DLK2: variants seen among roughly 807,000 people sequenced by gnomAD.
DLK2 encodes the protein protein delta homolog 2.
DLK2 carries 9 observed loss-of-function variants against 31.3 expected under a neutral mutation model. The ratio of observed to expected loss-of-function variants is 0.29; its 90% confidence interval spans 0.17 to 0.50. The LOEUF is 0.50. DLK2 is among the 20% of genes least tolerant of loss of function. The probability of loss-of-function intolerance (pLI) is 0.98; values close to 1 mark genes in which losing one functional copy is unlikely to be tolerated. For missense variants in DLK2, 387 were observed against 526.1 expected (o/e 0.74, Z 2.59); for synonymous variants, 169 against 201.2 (o/e 0.84, Z 1.35).
intron 3 of DLK2, 94 bp downstream of exon 3, chr6:43,454,317 G>T: frequency 8.3e-7 from 1 of 1,206,480 alleles, no homozygotes; most frequent in South Asian, 1.4e-5. Context: ...GAGGCATGAA[G>T]AGTAGAGTCT....
chr6:43,451,240 C>A lies in DLK2; in HGVS notation c.451G>T (p.Asp151Tyr). Residue 151 changes from aspartate (D) to tyrosine (Y), a missense_variant, in exon 6 of 6, where the codon GAC becomes TAC. Coordinates refer to ENST00000372488, the MANE Select transcript of DLK2 (RefSeq NM_023932.4). The surrounding 1 kb of genome is among the most constrained non-coding windows in gnomAD (Gnocchi z 4.4). ...GTGAAGTTGAGAGCAAAGCCCTGGT[C>A]GTCCTGGCACTGCCCGCCATTGCGG... Reference protein sequence around the residue: ...PCRNGGQCQDDQGFALNFTCR... With the variant: ...PCRNGGQCQDYQGFALNFTCR... 1 of 1,613,996 alleles carries A rather than the reference C, an allele frequency of 6.2e-7. No individual in the cohort carries two copies. The highest frequency in any genetic ancestry group is 1.1e-5 in the South Asian group (1 of 91,028).
intron 1 of DLK2, 182 bp downstream of exon 1, chr6:43,455,213 A>G: frequency 2.2e-6 from 1 of 464,048 alleles, no homozygotes; most frequent in Non-Finnish European, 2.8e-6. Flanking sequence ...CACGGAGGGG[A>G]CGCGGGGGCC....
chr6:43,455,046 G>A, intron 1 of DLK2, 166 bp from the exon 2 acceptor site: 3 of 985,138 alleles, frequency 3.0e-6, no homozygotes, highest in Non-Finnish European at 3.6e-6. Context: ...CGAAGAGAGC[G>A]AGGAGAGCGA....
intron 1 of DLK2, 84 bp from the exon 2 acceptor site, chr6:43,454,964 G>C: frequency 6.8e-7 from 1 of 1,465,356 alleles, no homozygotes; most frequent in Non-Finnish European, 9.0e-7. Flanking sequence ...AGCCGACGAG[G>C]GAGAGGGGCG....
At position 43,454,821 on chromosome 6, in the gene DLK2, G is replaced by A. The variant is rs1362603458; in HGVS notation, c.5C>T (p.Pro2Leu). 3.2e-6 allele frequency: 5 copies of A among 1,549,262 alleles called. No individual in the cohort carries two copies. Among genetic ancestry groups the A allele is most frequent in the Non-Finnish European group, 3.5e-6 (4 of 1,153,594 alleles). The part of the protein sequence containing the change: M[P>L]SGCRCLHLVC... Reference sequence around the variant, plus strand: ...GAGATGCAGGCAGCGGCAGCCGCTGGGCATGGTCAGCGCCGGCCCCAGGAG... The same window carrying A: ...GAGATGCAGGCAGCGGCAGCCGCTGAGCATGGTCAGCGCCGGCCCCAGGAG... The change falls in exon 2 of 6, where the codon CCC becomes CTC. Residue 2 changes from proline to leucine, a missense_variant. By Grantham distance (98) the Pro-to-Leu change is moderately conservative (BLOSUM62 -3). Transcript: ENST00000372488.
chr6:43,452,965 A>G (rs770918123), intron 4 of DLK2, 40 bp downstream of exon 4: 5 of 1,612,896 alleles, frequency 3.1e-6, no homozygotes, highest in South Asian at 1.1e-5. Context: ...CCCTAAGAAC[A>G]TGGGGTTCCC....
chr6:43,452,030 T>A lies in DLK2; in HGVS notation c.326A>T (p.Tyr109Phe). Reference sequence around the variant, plus strand: ...ACAATGGTACTCACCGCCCCCGTCATACATGCACTGGCCTCCATTCTGGCA... The same window carrying A: ...ACAATGGTACTCACCGCCCCCGTCAAACATGCACTGGCCTCCATTCTGGCA... ...SPCQNGGQCM[Y>F]DGGGEYHCVC... is the part of the protein sequence containing the mutation. Residue 109 changes from tyrosine (Y) to phenylalanine (F), a missense_variant, in exon 5 of 6, where the codon TAT becomes TTT. By Grantham distance (22) the Tyr-to-Phe change is conservative (BLOSUM62 3). Transcript: ENST00000372488. The A allele has an allele frequency of 6.2e-7, 1 of 1,614,224 alleles. No homozygotes were observed. The highest frequency in any genetic ancestry group is 8.5e-7 in the Non-Finnish European group (1 of 1,180,034).
At chr6:43,455,747 G>A (rs951404530), upstream of DLK2, among the ~76,000 whole-genome samples, 50 of 151,684 alleles carry the variant, frequency 3.3e-4, no homozygotes, top group African/African-American at 1.2e-3. Flanking sequence ...CAAGAGAGGA[G>A]GAAATCTTAG....
Position 43,451,804 on chromosome 6 carries a change from G to A in DLK2, c.416+136C>T. The A allele has an allele frequency of 7.0e-7, 1 of 1,427,220 alleles. No individual in the cohort carries two copies. Among genetic ancestry groups the A allele is most frequent in the Non-Finnish European group, 9.2e-7 (1 of 1,091,216 alleles). 88.4% of individuals were successfully genotyped at this position (1,427,220 alleles called of 1,614,324 possible). The stretch of plus-strand genomic sequence containing the variant: ...CCCTGAACTAGGAACACTTTGGCAT[G>A]CAGGGGTTTTATCTGAGTGTCCCCG... On this transcript the variant is annotated intron_variant, in intron 5 of 5. Coordinates refer to ENST00000372488, the MANE Select transcript of DLK2 (RefSeq NM_023932.4). The surrounding 1 kb of genome is among the most constrained non-coding windows in gnomAD (Gnocchi z 4.4).
Position 43,454,859 on chromosome 6 carries a change from G to T in DLK2, c.-34C>A. On this transcript the variant is annotated 5_prime_UTR_variant, in exon 2 of 6. Coordinates refer to ENST00000372488, the MANE Select transcript of DLK2 (RefSeq NM_023932.4). The stretch of plus-strand genomic sequence containing the variant: ...CCGGCCCCAGGAGGGACGGACGGAT[G>T]GACGGCCGGACGCGTGGACACCTGT... 6.5e-7 allele frequency: 1 copy of T among 1,535,998 alleles called. No homozygotes were observed. The highest frequency in any genetic ancestry group is 8.7e-7 in the Non-Finnish European group (1 of 1,146,714).
chr6:43,453,310 G>C lies in DLK2; in HGVS notation c.141-175C>G, dbSNP rs887198675. Among the ~76,000 whole-genome samples, 5 of 152,230 alleles carry C rather than the reference G, an allele frequency of 3.3e-5. No individual in the cohort carries two copies. Among genetic ancestry groups the C allele is most frequent in the African/African-American group, 9.7e-5 (4 of 41,446 alleles). Reference sequence around the variant, plus strand: ...GTCATAGGACACATATACGGAATCAGACCATCAGACACCAGCACTCAAACC... The same window carrying C: ...GTCATAGGACACATATACGGAATCACACCATCAGACACCAGCACTCAAACC... On this transcript the variant is annotated intron_variant, in intron 3 of 5. Transcript: ENST00000372488. This position sits in a 1 kb window ranked among gnomAD's most constrained non-coding sequence, Gnocchi z 4.1.
chr6:43,454,876 G>C lies in DLK2; in HGVS notation c.-51C>G. The C allele has an allele frequency of 6.5e-7, 1 of 1,534,106 alleles. No homozygotes were observed. Among genetic ancestry groups the C allele is most frequent in the South Asian group, 1.2e-5 (1 of 83,846 alleles). ...GGACGGATGGACGGCCGGACGCGTG[G>C]ACACCTGTGGGACGGCACCGGTTGG... On this transcript the variant is annotated 5_prime_UTR_variant, in exon 2 of 6. Transcript: ENST00000372488.
At position 43,452,099 on chromosome 6, in the gene DLK2, G is replaced by A. The variant is rs1173097670; in HGVS notation, c.272-15C>T. The A allele has an allele frequency of 1.9e-6, 3 of 1,614,124 alleles. No homozygotes were observed. Among genetic ancestry groups the A allele is most frequent in the Middle Eastern group, 3.3e-4 (2 of 6,062 alleles). On this transcript the variant is annotated splice_polypyrimidine_tract_variant and intron_variant, in intron 4 of 5. Transcript: ENST00000372488. ...GATATGTTCATCTGGAGAGGGGACAGGAAAGGCTCTGGGATAACCCCTCCC... is the reference window on the plus strand; with the variant it reads ...GATATGTTCATCTGGAGAGGGGACAAGAAAGGCTCTGGGATAACCCCTCCC...
chr6:43,454,691 A>C (rs1462547941), intron 2 of DLK2, 59 bp downstream of exon 2: 1 of 1,528,692 alleles, frequency 6.5e-7, no homozygotes, highest in Non-Finnish European at 8.8e-7. Flanking sequence ...GGCAGAGGTC[A>C]ACGTGCAAGC....
Position 43,451,425 on chromosome 6 carries a change from G to T in DLK2, c.417-151C>A, listed in dbSNP as rs933372792. On this transcript the variant is annotated intron_variant, in intron 5 of 5. Coordinates refer to ENST00000372488, the MANE Select transcript of DLK2 (RefSeq NM_023932.4). This position sits in a 1 kb window ranked among gnomAD's most constrained non-coding sequence, Gnocchi z 4.4. ...CATTTTAAAAATGAGAATAAAAATAGTACCCAGCTTCCCTAATTGTGAGGG... is the reference window on the plus strand; with the variant it reads ...CATTTTAAAAATGAGAATAAAAATATTACCCAGCTTCCCTAATTGTGAGGG... 4 of 1,074,690 alleles carry T rather than the reference G, an allele frequency of 3.7e-6. No homozygotes were observed. The Admixed American group carries it at 8.6e-5, about 23-fold the overall frequency. 66.6% of individuals were successfully genotyped at this position (1,074,690 alleles called of 1,614,324 possible).
chr6:43,452,582 G>A (rs1039377329), intron 4 of DLK2, among the ~76,000 whole-genome samples: 1 of 152,082 alleles, frequency 6.6e-6, no homozygotes, highest in African/African-American at 2.4e-5. Context: ...TGAAGTGGCG[G>A]GTGCCTGTAA....
In DLK2 at chr6:43,450,591, A is replaced by T. The variant is rs150344664; in HGVS notation, c.1100T>A (p.Leu367His). Residue 367 changes from leucine (L) to histidine (H), a missense_variant, in exon 6 of 6, where the codon CTC (leucine) becomes CAC (histidine). Coordinates refer to ENST00000372488, the MANE Select transcript of DLK2 (RefSeq NM_023932.4). This position sits in a 1 kb window ranked among gnomAD's most constrained non-coding sequence, Gnocchi z 4.5. ...ECQVSMLPAG[L>H]PLPRDLPPEP... ...AGGGGGCAAGTCACGTGGCAGGGGG[A>T]GCCCTGCTGGCAGCATGCTAACCTG... 16 of 1,589,344 alleles carry T rather than the reference A, an allele frequency of 1.0e-5. No individual in the cohort carries two copies. The highest frequency in any genetic ancestry group is 1.4e-5 in the Non-Finnish European group (16 of 1,165,894).
At chr6:43,452,851 G>C (rs1016687224) in intron 4 of DLK2, among the ~76,000 whole-genome samples, 154 bp downstream of exon 4, 6 of 152,140 alleles carry the variant, frequency 3.9e-5, no homozygotes, top group Non-Finnish European at 7.3e-5. Flanking sequence ...GATCAATTCA[G>C]ACAACATATA....
Position 43,454,826 on chromosome 6 carries a change from G to A in DLK2, c.-1C>T, listed in dbSNP as rs747999498. On this transcript the variant is annotated 5_prime_UTR_variant, in exon 2 of 6. Transcript: ENST00000372488. ...GCAGGCAGCGGCAGCCGCTGGGCATGGTCAGCGCCGGCCCCAGGAGGGACG... is the reference window on the plus strand; with the variant it reads ...GCAGGCAGCGGCAGCCGCTGGGCATAGTCAGCGCCGGCCCCAGGAGGGACG... The A allele has an allele frequency of 1.3e-6, 2 of 1,546,144 alleles. No individual in the cohort carries two copies. Among genetic ancestry groups the A allele is most frequent in the South Asian group, 2.4e-5 (2 of 84,382 alleles).
Sources: gnomAD v4.1 joint callset for allele counts (sites outside exome capture counted in the v4.1 genomes callset) on GRCh38, gnomAD v4.1.1 for gene constraint, Gnocchi (gnomAD v3.1) non-coding constraint, MANE v1.5 for transcripts, NCBI Gene and HGNC (gene_info 2026-07-23, HGNC 2026-07-21) for gene names.